Variants in ADGB observed in about 807,000 individuals in gnomAD.
The protein encoded by ADGB is androglobin, also known as calpain-7-like protein.
In ADGB, 172 loss-of-function variants were observed where a neutral mutation model predicts 210.5. The observed-to-expected ratio is 0.82, with a 90% CI of 0.72 to 0.93. ADGB has a LOEUF of 0.93. Ranked by LOEUF, ADGB falls within the 40% of genes least tolerant of loss-of-function variation. ADGB has a pLI of 0.00. For missense variants in ADGB, 2,025 were observed against 1,964.8 expected (o/e 1.03, Z -0.58); for synonymous variants, 658 against 662.7 (o/e 0.99, Z 0.11).
chr6:146,789,017 G>A (rs1399865657), intron 33 of ADGB, among the ~76,000 whole-genome samples: 1 of 152,070 alleles, frequency 6.6e-6, no homozygotes, highest in Non-Finnish European at 1.5e-5. Context: ...TTTTTTAAAT[G>A]TTGAAAAAGA....
chr6:146,739,212 A>G (rs1280756837), intron 23 of ADGB, among the ~76,000 whole-genome samples: 1 of 152,140 alleles, frequency 6.6e-6, no homozygotes, highest in African/African-American at 2.4e-5. Context: ...TGGTTGAGCC[A>G]ACATCCTTGT....
chr6:146,698,350 T>C (rs1255441396), intron 12 of ADGB, among the ~76,000 whole-genome samples: 1 of 152,226 alleles, frequency 6.6e-6, no homozygotes, highest in Non-Finnish European at 1.5e-5. Flanking sequence ...GGATAGACTA[T>C]AATCTATGAT....
At chr6:146,803,542 C>T (rs771830080) in intron 35 of ADGB, 164 of 1,584,400 alleles carry the variant, frequency 1.0e-4, no homozygotes, top group Admixed American at 1.6e-4. Flanking sequence ...CACAGTTTGT[C>T]CAACTGTTCT....
In ADGB at chr6:146,733,527, C is replaced by G. The variant is rs112924519; in HGVS notation, c.2656+272C>G. On this transcript the variant is annotated intron_variant, in intron 21 of 35. Coordinates refer to ENST00000397944, the MANE Select transcript of ADGB (RefSeq NM_024694.4). ...CCTTAAAAATATGGAAGTCACTAAT[C>G]TATATGGTTTGATTTGAAGAATTCT... is the stretch of plus-strand genomic sequence containing the variant. Among the ~76,000 whole-genome samples, 134 of 152,242 alleles carry G rather than the reference C, an allele frequency of 8.8e-4. 1 individual carries two copies. The highest frequency in any genetic ancestry group is 1.5e-3 in the Non-Finnish European group (99 of 68,014).
At chr6:146,808,620 T>A (rs1310666013) in intron 35 of ADGB, among the ~76,000 whole-genome samples, 1 of 152,236 alleles carries the variant, frequency 6.6e-6, no homozygotes, top group Non-Finnish European at 1.5e-5. Flanking sequence ...CTCATAGTAT[T>A]TTTTAACCAG....
At chr6:146,648,683 G>A (rs1775656530) in intron 3 of ADGB, among the ~76,000 whole-genome samples, 1 of 151,834 alleles carries the variant, frequency 6.6e-6, no homozygotes, top group African/African-American at 2.4e-5. Flanking sequence ...CCCGACGTTT[G>A]GAATTACAAT....
Position 146,746,091 on chromosome 6 carries a change from A to C in ADGB, c.3347A>C (p.Asp1116Ala). The change falls in exon 26 of 36, where the codon GAT (aspartate) becomes GCT (alanine). Residue 1116 changes from aspartate to alanine, a missense_variant. By Grantham distance (126) the Asp-to-Ala change is moderately radical. Coordinates refer to ENST00000397944, the MANE Select transcript of ADGB (RefSeq NM_024694.4). ...KEIRDYYIPN[D>A]KKILFRYSVK... ...ATCCGAGATTACTACATACCCAATGATAAGAAAATTTTATTCAGGTACAAG... is the reference window on the plus strand; with the variant it reads ...ATCCGAGATTACTACATACCCAATGCTAAGAAAATTTTATTCAGGTACAAG... 1 of 1,542,414 alleles carries C rather than the reference A, an allele frequency of 6.5e-7. No individual in the cohort carries two copies. The highest frequency in any genetic ancestry group is 1.2e-5 in the South Asian group (1 of 82,212).
intron 10 of ADGB, 127 bp from the exon 11 acceptor site, chr6:146,690,989 A>C: frequency 1.4e-5 from 8 of 575,308 alleles, no homozygotes; most frequent in South Asian, 5.1e-5. Flanking sequence ...TAAGAGAGGT[A>C]GAGATATTGG....
At chr6:146,616,099 A>T (rs533988698) in intron 1 of ADGB, among the ~76,000 whole-genome samples, 3 of 152,120 alleles carry the variant, frequency 2.0e-5, no homozygotes, top group Admixed American at 6.5e-5. Flanking sequence ...TTTTGATAAC[A>T]GTCATTTTTA....
intron 1 of ADGB, among the ~76,000 whole-genome samples, chr6:146,622,807 T>G (rs1252501337): frequency 6.6e-6 from 1 of 152,078 alleles, no homozygotes; most frequent in Non-Finnish European, 1.5e-5. Flanking sequence ...ATATCTTAGG[T>G]CACAAAGATT....
At position 146,736,462 on chromosome 6, in the gene ADGB, A is replaced by T. The variant is rs865870608; in HGVS notation, c.2795-36A>T. The T allele has an allele frequency of 1.6e-5, 21 of 1,344,794 alleles. No homozygotes were observed. The East Asian group carries it at 4.8e-4, about 31-fold the overall frequency. The allele number at this position is 1,344,794 out of a possible 1,614,324, so 83.3% of individuals were successfully genotyped here. ...ACAAGATGATCTTTCAGGCATCTTA[A>T]AGCTTAACGTTTTTATTATTTATTA... On this transcript the variant is annotated intron_variant, in intron 22 of 35. Transcript: ENST00000397944.
chr6:146,715,583 A>G (rs1368228416), intron 14 of ADGB, among the ~76,000 whole-genome samples, 168 bp downstream of exon 14: 1 of 152,132 alleles, frequency 6.6e-6, no homozygotes, highest in Non-Finnish European at 1.5e-5. Flanking sequence ...GATAATTTCA[A>G]TTGTTAAATT....
At chr6:146,681,200 T>A (rs1776152407) in intron 9 of ADGB, among the ~76,000 whole-genome samples, 1 of 152,154 alleles carries the variant, frequency 6.6e-6, no homozygotes, top group African/African-American at 2.4e-5. Context: ...GGCAGATCCC[T>A]CATGGCTTGG....
rs1674045066 is a variant in ADGB at position 146,740,442 on chromosome 6, T to G, written c.2889-17T>G. On this transcript the variant is annotated splice_polypyrimidine_tract_variant and intron_variant, in intron 23 of 35. Transcript: ENST00000397944. ...TGGCTTTTGCCATTGATACATAATT[T>G]ATTTTTATATTTCTAGACTAATGTT... 1 of 1,508,196 alleles carries G rather than the reference T, an allele frequency of 6.6e-7. No individual in the cohort carries two copies. Among genetic ancestry groups the G allele is most frequent in the African/African-American group, 1.4e-5 (1 of 70,836 alleles). The allele number at this position is 1,508,196 out of a possible 1,614,324, so 93.4% of individuals were successfully genotyped here.
chr6:146,691,913 GT>G (rs1562275818), intron 11 of ADGB, among the ~76,000 whole-genome samples: 2 of 150,388 alleles, frequency 1.3e-5, no homozygotes, highest in African/African-American at 4.9e-5. Context: ...CCCTCTCTCC[GT>G]CCCTCCTTCC....
intron 1 of ADGB, among the ~76,000 whole-genome samples, chr6:146,634,634 A>C (rs148750270): frequency 2.1e-3 from 324 of 152,236 alleles, no homozygotes; most frequent in African/African-American, 7.5e-3. Context: ...CCAACTTTTC[A>C]GTAGAAAAAT....
At chr6:146,741,494 A>G (rs1777163581) in intron 25 of ADGB, among the ~76,000 whole-genome samples, 1 of 152,186 alleles carries the variant, frequency 6.6e-6, no homozygotes, top group South Asian at 2.1e-4. Flanking sequence ...CTTCTTCCGA[A>G]AGAAAATATG....
At chr6:146,763,819 A>G in intron 27 of ADGB, 82 bp from the exon 28 acceptor site, 1 of 1,219,136 alleles carries the variant, frequency 8.2e-7, no homozygotes, top group South Asian at 1.6e-5. Flanking sequence ...TGAGTGTTTT[A>G]TAAAGGAATG....
Position 146,784,741 on chromosome 6 carries a change from A to C in ADGB, c.4159A>C (p.Ile1387Leu). Residue 1387 changes from isoleucine to leucine, a missense_variant, in exon 31 of 36, where the codon ATC (isoleucine) becomes CTC (leucine). Ile to Leu is a conservative substitution (Grantham distance 5). Coordinates refer to ENST00000397944, the MANE Select transcript of ADGB (RefSeq NM_024694.4). ...AAAGGATACAGAAAGGGCAGATGAA[A>C]TCCGAGCCATGAAACAAGCCTGGGA... Reference protein sequence around the residue: ...VKKDTERADEIRAMKQAWETT... With the variant: ...VKKDTERADELRAMKQAWETT... 1 of 1,551,304 alleles carries C rather than the reference A, an allele frequency of 6.4e-7. No homozygotes were observed. Among genetic ancestry groups the C allele is most frequent in the Non-Finnish European group, 8.7e-7 (1 of 1,146,774 alleles).
Sources: gnomAD v4.1 joint callset for allele counts (sites outside exome capture counted in the v4.1 genomes callset) on GRCh38, gnomAD v4.1.1 for gene constraint, MANE v1.5 for transcripts, NCBI Gene and HGNC (gene_info 2026-07-23, HGNC 2026-07-21) for gene names.